Variants in SULF2 observed in about 807,000 individuals in gnomAD.
The protein encoded by SULF2 is extracellular sulfatase Sulf-2.
In SULF2, 52 loss-of-function variants were observed where a neutral mutation model predicts 107.7. That is an observed-to-expected ratio of 0.48 (90% CI 0.39 to 0.61). SULF2 has a LOEUF of 0.61. Ranked by LOEUF, SULF2 falls within the 20% of genes least tolerant of loss-of-function variation. The probability of loss-of-function intolerance (pLI) is 0.00; values close to 1 mark genes in which losing one functional copy is unlikely to be tolerated. For missense variants in SULF2, 993 were observed against 1,177.3 expected, an observed-to-expected ratio of 0.84 and a Z score of 2.29; for synonymous variants, 460 against 464.3, an observed-to-expected ratio of 0.99 and a Z score of 0.12.
intron 5 of SULF2, among the ~76,000 whole-genome samples, chr20:47,687,267 G>A (rs1040293844): frequency 2.6e-5 from 4 of 152,112 alleles, no homozygotes; most frequent in South Asian, 2.1e-4. Flanking sequence ...GCTTGGGGTC[G>A]ACGCCAGCTT....
chr20:47,784,976 G>A (rs1404639696), intron 1 of SULF2, among the ~76,000 whole-genome samples: 1 of 152,132 alleles, frequency 6.6e-6, no homozygotes, highest in Admixed American at 6.5e-5. Context: ...TAAACCCTAA[G>A]GGTCAACAAG....
intron 2 of SULF2, among the ~76,000 whole-genome samples, chr20:47,747,447 C>A (rs891267495): frequency 1.5e-4 from 23 of 152,088 alleles, no homozygotes; most frequent in African/African-American, 5.6e-4. Flanking sequence ...CATCGTCAAC[C>A]ATAGCAGAGA....
At chr20:47,758,901 C>T (rs189154542) in intron 1 of SULF2, among the ~76,000 whole-genome samples, 4 of 152,280 alleles carry the variant, frequency 2.6e-5, no homozygotes, top group Non-Finnish European at 4.4e-5. Flanking sequence ...GCCATCAGCT[C>T]AAAGTCATGA....
rs1257743169 is a variant in SULF2, at chr20:47,663,633, A to G, written c.2058-11T>C. 51 of 1,569,752 alleles carry G rather than the reference A, an allele frequency of 3.2e-5. No homozygotes were observed. The highest frequency in any genetic ancestry group is 4.1e-5 in the Non-Finnish European group (48 of 1,158,714). On this transcript the variant is annotated splice_polypyrimidine_tract_variant and intron_variant, in intron 15 of 20. Transcript: ENST00000688720. ...TCTTGCAGGCCCTTCCTATGGGCGC[A>G]GAGGGCCACACACACCTTGGGCCTC...
chr20:47,666,530 A>G lies in SULF2; in HGVS notation c.1577-42T>C, dbSNP rs2087279591. ...AGTGGCAGAGTTAGGGAGGCAGGAA[A>G]GGCTGGCCAGGCTCCCAGGGCAGTG... On this transcript the variant is annotated intron_variant, in intron 11 of 20. Coordinates refer to ENST00000688720, the MANE Select transcript of SULF2 (RefSeq NM_001387048.1). The surrounding 1 kb of genome is among the most constrained non-coding windows in gnomAD (Gnocchi z 5.4). 1.3e-6 allele frequency: 2 copies of G among 1,519,276 alleles called. No individual in the cohort carries two copies. The highest frequency in any genetic ancestry group is 1.8e-6 in the Non-Finnish European group (2 of 1,107,642). The allele number at this position is 1,519,276 out of a possible 1,614,324, so 94.1% of individuals were successfully genotyped here.
At chr20:47,786,107 C>T (rs996556728), upstream of SULF2, 1 of 152,260 alleles carries the variant, frequency 6.6e-6, no homozygotes, top group African/African-American at 2.4e-5. Context: ...GTGGGATTCG[C>T]CCAGGAGCTG....
chr20:47,695,221 T>C (rs895034406), intron 4 of SULF2, among the ~76,000 whole-genome samples: 1 of 152,184 alleles, frequency 6.6e-6, no homozygotes, highest in Non-Finnish European at 1.5e-5. Flanking sequence ...GCTTTATGTA[T>C]GGATGCAGTT....
At chr20:47,752,782 T>C (rs2090187647) in intron 2 of SULF2, among the ~76,000 whole-genome samples, 1 of 150,782 alleles carries the variant, frequency 6.6e-6, no homozygotes. Flanking sequence ...ATAAAGATGT[T>C]CTGAGAGGCA....
intron 2 of SULF2, among the ~76,000 whole-genome samples, chr20:47,737,523 C>A (rs1481974361): frequency 6.6e-6 from 1 of 152,060 alleles, no homozygotes; most frequent in African/African-American, 2.4e-5. Flanking sequence ...AGGTGCTCTG[C>A]CATCAGCCAC....
chr20:47,760,136 C>A (rs1012751304), intron 1 of SULF2, among the ~76,000 whole-genome samples: 1 of 152,194 alleles, frequency 6.6e-6, no homozygotes, highest in African/African-American at 2.4e-5. Flanking sequence ...CCATGGACAC[C>A]AACGAGGAGC....
At chr20:47,701,841 C>T (rs1022303511) in intron 4 of SULF2, among the ~76,000 whole-genome samples, 24 of 152,000 alleles carry the variant, frequency 1.6e-4, no homozygotes, top group African/African-American at 5.3e-4. Flanking sequence ...GGAGGGGTGT[C>T]GAGTCGGGGG....
Position 47,694,498 on chromosome 20 carries a change from C to T in SULF2, c.568-4203G>A, listed in dbSNP as rs1326673948. 6.6e-6 allele frequency among the ~76,000 whole-genome samples: 1 copy of T among 152,158 alleles called. No individual in the cohort carries two copies. The highest frequency in any genetic ancestry group is 1.5e-5 in the Non-Finnish European group (1 of 68,012). On this transcript the variant is annotated intron_variant, in intron 4 of 20. Transcript: ENST00000688720. This position sits in a 1 kb window ranked among gnomAD's most constrained non-coding sequence, Gnocchi z 4.4. Reference sequence around the variant, plus strand: ...TGAGATGGGTGGAGGTCCACAGGCCCAGGTGCATTTTCCAGAACCCGGCGC... The same window carrying T: ...TGAGATGGGTGGAGGTCCACAGGCCTAGGTGCATTTTCCAGAACCCGGCGC...
intron 1 of SULF2, among the ~76,000 whole-genome samples, chr20:47,766,184 C>T (rs2094348516): frequency 6.6e-6 from 1 of 152,248 alleles, no homozygotes; most frequent in African/African-American, 2.4e-5. Flanking sequence ...ATCTGTTAAA[C>T]TTTACACTCC....
chr20:47,705,878 A>C (rs1275878163), intron 3 of SULF2, among the ~76,000 whole-genome samples: 1 of 150,406 alleles, frequency 6.6e-6, no homozygotes, highest in Non-Finnish European at 1.5e-5. Context: ...GCCTCACAGC[A>C]ACCTTTGCCT....
intron 3 of SULF2, among the ~76,000 whole-genome samples, chr20:47,711,463 G>C (rs13044051): frequency 0.14 from 20,948 of 152,228 alleles, 1,896 homozygotes; most frequent in Middle Eastern, 0.25. Flanking sequence ...CCAAGAGGCA[G>C]CCAGCAGGAC....
At chr20:47,712,354 G>A (rs946490975) in intron 3 of SULF2, among the ~76,000 whole-genome samples, 8 of 152,204 alleles carry the variant, frequency 5.3e-5, no homozygotes, top group Admixed American at 4.6e-4. Context: ...TGCCTGGGAC[G>A]CCTGCCTCCT....
chr20:47,754,549 C>A (rs2090235998), intron 2 of SULF2, among the ~76,000 whole-genome samples: 1 of 152,128 alleles, frequency 6.6e-6, no homozygotes, highest in African/African-American at 2.4e-5. Flanking sequence ...GAGGGCAAGA[C>A]TTGTAGGCCC....
Position 47,769,423 on chromosome 20 carries a change from C to G in SULF2, c.-100-11960G>C, listed in dbSNP as rs373679214. On this transcript the variant is annotated intron_variant, in intron 1 of 20. Coordinates refer to ENST00000688720, the MANE Select transcript of SULF2 (RefSeq NM_001387048.1). ...ATGTTGGCCAGGCTGGTCTCAAACT[C>G]CTGACCTCAAGTGATCTGCCCACCT... Among the ~76,000 whole-genome samples the G allele has an allele frequency of 2.2e-4, 33 of 150,764 alleles. No individual in the cohort carries two copies. The South Asian group carries it at 4.4e-3, about 20-fold the overall frequency.
At position 47,693,523 on chromosome 20, in the gene SULF2, C is replaced by A. The variant is rs369708183; in HGVS notation, c.568-3228G>T. On this transcript the variant is annotated intron_variant, in intron 4 of 20. Coordinates refer to ENST00000688720, the MANE Select transcript of SULF2 (RefSeq NM_001387048.1). ...GAAGATATACAATGGGATTCTAAAG[C>A]AGTGAAAAAGAACAGAGCTACGTGG... 3.6e-4 allele frequency among the ~76,000 whole-genome samples: 55 copies of A among 152,324 alleles called. 1 individual carries two copies. The South Asian group carries it at 0.01, about 29-fold the overall frequency.
Sources: allele counts gnomAD v4.1 joint callset (sites outside exome capture counted in the v4.1 genomes callset), GRCh38; gene constraint gnomAD v4.1.1; non-coding constraint Gnocchi (gnomAD v3.1); transcripts MANE v1.5; gene names NCBI Gene and HGNC (gene_info 2026-07-23, HGNC 2026-07-21).